Variants in MAPK10 observed in about 807,000 individuals in gnomAD.
MAPK10 encodes the protein mitogen-activated protein kinase 10, also known as JNK3 alpha protein kinase.
In MAPK10, 25 loss-of-function variants were observed where a neutral mutation model predicts 59.3. The ratio of observed to expected loss-of-function variants is 0.42; its 90% CI spans 0.31 to 0.59. MAPK10 has a LOEUF of 0.59. Ranked by LOEUF, MAPK10 falls within the 20% of genes least tolerant of loss-of-function variation. MAPK10 has a pLI of 0.15. For missense variants in MAPK10, 351 were observed against 568.9 expected, an observed-to-expected ratio of 0.62 and a Z score of 3.90; for synonymous variants, 190 against 200.5, an observed-to-expected ratio of 0.95 and a Z score of 0.44.
At chr4:86,051,970 G>A (rs894929628) in intron 11 of MAPK10, among the ~76,000 whole-genome samples, 1 of 152,028 alleles carries the variant, frequency 6.6e-6, no homozygotes, top group Non-Finnish European at 1.5e-5. Flanking sequence ...AAGCCTCACA[G>A]CATAAGAAAA....
chr4:86,227,678 C>T (rs1331743477), intron 2 of MAPK10, among the ~76,000 whole-genome samples: 1 of 151,964 alleles, frequency 6.6e-6, no homozygotes, highest in Non-Finnish European at 1.5e-5. Flanking sequence ...CACACAGGGA[C>T]CAAAAAAATA....
intron 2 of MAPK10, among the ~76,000 whole-genome samples, chr4:86,310,594 A>G (rs1270914406): frequency 6.6e-6 from 1 of 152,158 alleles, no homozygotes; most frequent in Non-Finnish European, 1.5e-5. Flanking sequence ...TGATATTACT[A>G]TTGTGAAAAT....
chr4:86,296,596 T>C (rs1434122657), intron 2 of MAPK10, among the ~76,000 whole-genome samples: 3 of 152,172 alleles, frequency 2.0e-5, no homozygotes, highest in Admixed American at 6.5e-5. Flanking sequence ...CTGGCAAACA[T>C]AGAACTGGAA....
intron 1 of MAPK10, among the ~76,000 whole-genome samples, chr4:86,458,807 G>T (rs1360490276): frequency 6.6e-6 from 1 of 152,146 alleles, no homozygotes; most frequent in Non-Finnish European, 1.5e-5. Context: ...CCTGAAACTA[G>T]AAATTCTAGA....
chr4:86,112,143 T>G (rs2057584224), intron 4 of MAPK10, among the ~76,000 whole-genome samples: 2 of 86,984 alleles, frequency 2.3e-5, no homozygotes, highest in African/African-American at 6.7e-5. Context: ...TTTTATTAAC[T>G]TTTCCAAAAA....
chr4:86,200,311 A>G (rs2082319081), intron 2 of MAPK10, among the ~76,000 whole-genome samples: 1 of 151,960 alleles, frequency 6.6e-6, no homozygotes, highest in African/African-American at 2.4e-5. Context: ...TGAAAACCCC[A>G]TGTGCCTTTT....
chr4:86,135,889 C>A (rs1198811630), intron 4 of MAPK10, among the ~76,000 whole-genome samples: 3 of 152,050 alleles, frequency 2.0e-5, no homozygotes, highest in Non-Finnish European at 4.4e-5. Context: ...ATGAAGAATG[C>A]AGAAGCCTCA....
At position 86,329,264 on chromosome 4, in the gene MAPK10, C is replaced by T. The variant is rs149156947; in HGVS notation, c.-7+25266G>A. On this transcript the variant is annotated intron_variant, in intron 2 of 13. Transcript: ENST00000641462. The stretch of plus-strand genomic sequence containing the variant: ...AACATCAATATTTATTTAAAGTGTA[C>T]GAAATGTTGTAAACTCTATTGGTAT... Among the ~76,000 whole-genome samples the T allele has an allele frequency of 3.7e-3, 566 of 152,248 alleles. 5 individuals are homozygous for T. Among genetic ancestry groups the T allele is most frequent in the African/African-American group, 0.012 (516 of 41,540 alleles).
In MAPK10 at chr4:86,087,736, C is replaced by T. The variant is rs182075102; in HGVS notation, c.802+10788G>A. ...ACAAAAATTGAGTGCCTAATACAGC[C>T]ATTTCCAGAACTTTTTCTTTTAATA... On this transcript the variant is annotated intron_variant, in intron 9 of 13. Transcript: ENST00000641462. Among the ~76,000 whole-genome samples the T allele has an allele frequency of 5.3e-5, 8 of 152,080 alleles. No homozygotes were observed. The East Asian group carries it at 1.5e-3, about 29-fold the overall frequency.
At chr4:86,381,056 C>T (rs1740631903) in intron 1 of MAPK10, among the ~76,000 whole-genome samples, 1 of 152,138 alleles carries the variant, frequency 6.6e-6, no homozygotes, top group South Asian at 2.1e-4. Context: ...GTTCACAGTG[C>T]ATGTGTTTTC....
chr4:86,485,728 T>C (rs1753934864), intron 1 of MAPK10, among the ~76,000 whole-genome samples: 1 of 152,186 alleles, frequency 6.6e-6, no homozygotes, highest in Non-Finnish European at 1.5e-5. Context: ...TATTTGGAGA[T>C]AAGGTCTGTA....
chr4:86,021,306 T>C lies in MAPK10; in HGVS notation c.1253-3936A>G, dbSNP rs369420723. 2.0e-4 allele frequency among the ~76,000 whole-genome samples: 30 copies of C among 150,532 alleles called. No individual in the cohort carries two copies. The East Asian group carries it at 2.5e-3, about 13-fold the overall frequency. ...AGAGCAGCTAGATACAGAGTGTCGA[T>C]TGGTGCACTCACAAACCCTGAGCTA... is the stretch of plus-strand genomic sequence containing the variant. On this transcript the variant is annotated intron_variant, in intron 13 of 13. Transcript: ENST00000641462.
chr4:86,239,517 A>T (rs2092554473), intron 2 of MAPK10, among the ~76,000 whole-genome samples: 2 of 151,990 alleles, frequency 1.3e-5, no homozygotes, highest in Non-Finnish European at 2.9e-5. Context: ...TTACAACCTC[A>T]ATTTCAGAGC....
chr4:86,039,045 A>C (rs556778878), intron 11 of MAPK10, among the ~76,000 whole-genome samples: 44 of 152,336 alleles, frequency 2.9e-4, no homozygotes, highest in Non-Finnish European at 5.1e-4. Flanking sequence ...CTGTGTTCTC[A>C]AACAGAAATT....
intron 1 of MAPK10, among the ~76,000 whole-genome samples, chr4:86,393,734 T>TA (rs1373612638): frequency 6.6e-6 from 1 of 152,122 alleles, no homozygotes; most frequent in Admixed American, 6.6e-5. Context: ...AGTAGAATAA[T>TA]AAAAAATGAA....
intron 4 of MAPK10, among the ~76,000 whole-genome samples, chr4:86,149,964 T>G (rs1045899364): frequency 6.6e-6 from 1 of 152,118 alleles, no homozygotes; most frequent in Non-Finnish European, 1.5e-5. Flanking sequence ...TCAAGAAGAA[T>G]TGGATATTTA....
At chr4:86,165,194 G>A (rs2071205523) in intron 3 of MAPK10, among the ~76,000 whole-genome samples, 1 of 152,032 alleles carries the variant, frequency 6.6e-6, no homozygotes, top group Non-Finnish European at 1.5e-5. Context: ...TCCTGCTTTT[G>A]GCACAGAAGA....
chr4:86,570,949 C>T lies in MAPK10; in HGVS notation c.-263+22961G>A, dbSNP rs115189608. The stretch of plus-strand genomic sequence containing the variant: ...GATTAGTTTCAGTTGTTAATAACTC[C>T]TAACTTTATATCTCTACCACAGACT... On this transcript the variant is annotated intron_variant, in intron 1 of 4. Coordinates refer to the MAPK10 transcript ENST00000502302. 1.4e-3 allele frequency among the ~76,000 whole-genome samples: 208 copies of T among 152,142 alleles called. 2 individuals carry two copies. The highest frequency in any genetic ancestry group is 4.6e-3 in the African/African-American group (189 of 41,524).
intron 4 of MAPK10, among the ~76,000 whole-genome samples, chr4:86,135,791 A>C (rs1045819064): frequency 1.1e-4 from 16 of 152,148 alleles, no homozygotes; most frequent in Non-Finnish European, 2.2e-4. Flanking sequence ...CTTTGAAAAA[A>C]ATTTAGAAGA....
Sources: gnomAD v4.1 joint callset for allele counts (sites outside exome capture counted in the v4.1 genomes callset) on GRCh38, gnomAD v4.1.1 for gene constraint, MANE v1.5 for transcripts, NCBI Gene and HGNC (gene_info 2026-07-23, HGNC 2026-07-21) for gene names.